The following CA9 variants were observed in gnomAD, a reference collection of about 807,000 sequenced individuals.
CA9 encodes CA-IX.
CA9 carries 43 observed loss-of-function variants against 51.8 expected under a neutral mutation model. That is an observed-to-expected ratio of 0.83 (90% CI 0.65 to 1.07). The LOEUF is 1.07. Among genes scored for constraint, CA9 ranks in the 50% least tolerant of loss-of-function variants. The pLI, the probability that CA9 is intolerant of heterozygous loss-of-function variation, is 0.00. For synonymous variants in CA9, 253 were observed against 244.2 expected, an observed-to-expected ratio of 1.04 and a Z score of -0.34; for missense variants, 574 against 581.4, an observed-to-expected ratio of 0.99 and a Z score of 0.13.
chr9:35,675,873 C>A lies in CA9; in HGVS notation c.546C>A (p.Leu182=). ...GCCCGGCCCTGCGCCCCCTGGAACT[C>A]CTGGGCTTCCAGCTCCCGCCGCTCC... ...AFCPALRPLE[L]LGFQLPPLPE... The change falls in exon 3 of 11, where the codon CTC becomes CTA. Residue 182 remains leucine (L), a synonymous_variant. Coordinates refer to ENST00000378357, the MANE Select transcript of CA9 (RefSeq NM_001216.3). 2.5e-6 allele frequency: 4 copies of A among 1,606,766 alleles called. No individual in the cohort carries two copies.
Position 35,676,539 on chromosome 9 carries a change from C to A in CA9, c.840+150C>A, listed in dbSNP as rs570797000. 63 of 654,064 alleles carry A rather than the reference C, an allele frequency of 9.6e-5. 1 individual carries two copies. The Admixed American group carries it at 1.8e-3, about 18-fold the overall frequency. 40.5% of individuals were successfully genotyped at this position (654,064 alleles called of 1,614,324 possible). A position where few individuals can be genotyped will look rare whatever the true frequency, so the allele number is the denominator to read the frequency against. ...ACGCACTGTTTGTTCATTTAACACC[C>A]ACTGTGAACCAGGCACCAGCCCCCA... On this transcript the variant is annotated intron_variant, in intron 5 of 10. Coordinates refer to ENST00000378357, the MANE Select transcript of CA9 (RefSeq NM_001216.3).
intron 7 of CA9, 99 bp from the exon 8 acceptor site, chr9:35,679,755 T>G: frequency 8.8e-7 from 1 of 1,141,924 alleles, no homozygotes; most frequent in Non-Finnish European, 1.2e-6. Flanking sequence ...ATACAGGAGC[T>G]GGAGGGTGGA....
chr9:35,677,700 A>C, intron 5 of CA9, 90 bp from the exon 6 acceptor site: 1 of 934,994 alleles, frequency 1.1e-6, no homozygotes, highest in Admixed American at 1.7e-5. Flanking sequence ...GAGGAATGGG[A>C]GAGGTCTATG....
At chr9:35,679,086 A>T (rs943436287) in intron 6 of CA9, 99 bp from the exon 7 acceptor site, 1 of 1,305,434 alleles carries the variant, frequency 7.7e-7, no homozygotes, top group Non-Finnish European at 1.1e-6. Context: ...CTCAGAGTTG[A>T]GTTACCTTGG....
At chr9:35,679,469 G>T in intron 7 of CA9, 127 bp downstream of exon 7, 1 of 1,195,508 alleles carries the variant, frequency 8.4e-7, no homozygotes, top group East Asian at 2.5e-5. Context: ...CCACCACGTT[G>T]GGAGGCTGAG....
chr9:35,679,351 G>T lies in CA9; in HGVS notation c.1065+9G>T. 6.2e-7 allele frequency: 1 copy of T among 1,610,206 alleles called. No homozygotes were observed. The highest frequency in any genetic ancestry group is 1.3e-5 in the African/African-American group (1 of 74,872). On this transcript the variant is annotated intron_variant, in intron 7 of 10. Coordinates refer to ENST00000378357, the MANE Select transcript of CA9 (RefSeq NM_001216.3). The stretch of plus-strand genomic sequence containing the variant: ...TGCTGAGTGCTAAGCAGGTGGGCCT[G>T]GGGTGTGTGTGGACACAGTGGGTGC...
intron 1 of CA9, 103 bp from the exon 2 acceptor site, chr9:35,675,435 C>A: frequency 2.3e-6 from 3 of 1,317,988 alleles, no homozygotes; most frequent in Middle Eastern, 1.8e-4. Flanking sequence ...CATTTGTTAC[C>A]CGTAATGCTC....
intron 9 of CA9, 76 bp downstream of exon 9, chr9:35,680,215 C>A: frequency 1.3e-6 from 2 of 1,537,996 alleles, no homozygotes; most frequent in Non-Finnish European, 1.8e-6. Flanking sequence ...TGCTCAGGAC[C>A]GCCTCTGCTC....
At chr9:35,675,964 G>A (rs2301371) in intron 3 of CA9, 33 bp downstream of exon 3, 52,315 of 1,599,698 alleles carry the variant, frequency 0.033, 1,246 homozygotes, top group East Asian at 0.13. Context: ...ACTTGGGGAT[G>A]GGGCGGGGCG....
At chr9:35,674,760 A>C in intron 1 of CA9, 1 of 174,272 alleles carries the variant, frequency 5.7e-6, no homozygotes, top group Non-Finnish European at 1.2e-5. Flanking sequence ...ACAAGCAAGA[A>C]GAGCTGGTAG....
intron 7 of CA9, 129 bp downstream of exon 7, chr9:35,679,471 G>C (rs1037993346): frequency 1.7e-6 from 2 of 1,197,520 alleles, no homozygotes; most frequent in African/African-American, 3.1e-5. Flanking sequence ...ACCACGTTGG[G>C]AGGCTGAGGT....
rs536591247 is a variant in CA9, at chr9:35,674,117, C to T, written c.158C>T (p.Ser53Phe). 6.8e-6 allele frequency: 11 copies of T among 1,614,158 alleles called. No homozygotes were observed. The highest frequency in any genetic ancestry group is 4.0e-5 in the African/African-American group (3 of 75,048). ...GAGGATTCCCCCTTGGGAGGAGGCTCTTCTGGGGAAGATGACCCACTGGGC... is the reference window on the plus strand; with the variant it reads ...GAGGATTCCCCCTTGGGAGGAGGCTTTTCTGGGGAAGATGACCCACTGGGC... ...MQEDSPLGGG[S>F]SGEDDPLGEE... The change falls in exon 1 of 11, where the codon TCT becomes TTT. Residue 53 changes from serine (S) to phenylalanine (F), a missense_variant. By Grantham distance (155) the Ser-to-Phe change is radical. Coordinates refer to ENST00000378357, the MANE Select transcript of CA9 (RefSeq NM_001216.3).
At position 35,680,761 on chromosome 9, in the gene CA9, C is replaced by G; in HGVS notation, c.1246C>G (p.Leu416Val). The change falls in exon 10 of 11, where the codon CTA becomes GTA. Residue 416 changes from leucine to valine, a missense_variant. Coordinates refer to ENST00000378357, the MANE Select transcript of CA9 (RefSeq NM_001216.3). ...LNSCLAAGDILALVFGLLFAV... is the reference protein window; with the variant it reads ...LNSCLAAGDIVALVFGLLFAV... ...TCTGCTCTCCATCGCAGGTGACATC[C>G]TAGCCCTGGTTTTTGGCCTCCTTTT... is the stretch of plus-strand genomic sequence containing the variant. 6.2e-7 allele frequency: 1 copy of G among 1,614,124 alleles called. No individual in the cohort carries two copies. Among genetic ancestry groups the G allele is most frequent in the Non-Finnish European group, 8.5e-7 (1 of 1,179,968 alleles).
chr9:35,679,271 A>T lies in CA9; in HGVS notation c.994A>T (p.Thr332Ser). The T allele has an allele frequency of 6.2e-7, 1 of 1,614,180 alleles. No individual in the cohort carries two copies. The highest frequency in any genetic ancestry group is 8.5e-7 in the Non-Finnish European group (1 of 1,180,026). Residue 332 changes from threonine to serine, a missense_variant, in exon 7 of 11, where the codon ACT becomes TCT. Transcript: ENST00000378357. ...SRYFQYEGSL[T>S]TPPCAQGVIW... ...CTACTTCCAATATGAGGGGTCTCTG[A>T]CTACACCGCCCTGTGCCCAGGGTGT...
At chr9:35,679,095 G>A in intron 6 of CA9, 90 bp from the exon 7 acceptor site, 1 of 1,400,612 alleles carries the variant, frequency 7.1e-7, no homozygotes, top group Non-Finnish European at 1.0e-6. Context: ...GAGTTACCTT[G>A]GCTTCTGGGA....
chr9:35,675,931 G>T lies in CA9; in HGVS notation c.604G>T (p.Val202Leu). 6.2e-7 allele frequency: 1 copy of T among 1,601,392 alleles called. No individual in the cohort carries two copies. Among genetic ancestry groups the T allele is most frequent in the Non-Finnish European group, 8.5e-7 (1 of 1,173,772 alleles). Residue 202 changes from valine (V) to leucine (L), a missense_variant and splice_region_variant, in exon 3 of 11, where the codon GTG (valine) becomes TTG (leucine). Transcript: ENST00000378357. ...ELRLRNNGHS[V>L]QLTLPPGLEM... Reference sequence around the variant, plus strand: ...GCGCCTGCGCAACAATGGCCACAGTGGTGAGGGGGTCTCCCCGCCGAGACT... The same window carrying T: ...GCGCCTGCGCAACAATGGCCACAGTTGTGAGGGGGTCTCCCCGCCGAGACT...
At chr9:35,674,596 G>A (rs1486435312) in intron 1 of CA9, 9 of 464,388 alleles carry the variant, frequency 1.9e-5, no homozygotes, top group Non-Finnish European at 3.0e-5. Flanking sequence ...GATGAGATGG[G>A]AGAGAAGGGG....
chr9:35,675,869 A>T lies in CA9; in HGVS notation c.542A>T (p.Glu181Val). The change falls in exon 3 of 11, where the codon GAA (glutamate) becomes GTA (valine). Residue 181 changes from glutamate (E) to valine (V), a missense_variant. By Grantham distance (121) the Glu-to-Val change is moderately radical. Coordinates refer to ENST00000378357, the MANE Select transcript of CA9 (RefSeq NM_001216.3). ...AAFCPALRPLELLGFQLPPLP... is the reference protein window; with the variant it reads ...AAFCPALRPLVLLGFQLPPLP... ...TTCTGCCCGGCCCTGCGCCCCCTGG[A>T]ACTCCTGGGCTTCCAGCTCCCGCCG... 6.2e-7 allele frequency: 1 copy of T among 1,606,442 alleles called. No homozygotes were observed. Among genetic ancestry groups the T allele is most frequent in the Non-Finnish European group, 8.5e-7 (1 of 1,179,366 alleles).
chr9:35,679,143 G>T (rs1214469227), intron 6 of CA9, 42 bp from the exon 7 acceptor site: 2 of 1,609,892 alleles, frequency 1.2e-6, no homozygotes, highest in African/African-American at 2.7e-5. Flanking sequence ...GCTTTAAGGG[G>T]GTGCAATGTA....
Sources: gnomAD v4.1 joint callset for allele counts on GRCh38, gnomAD v4.1.1 for gene constraint, MANE v1.5 for transcripts, NCBI Gene and HGNC (gene_info 2026-07-23, HGNC 2026-07-21) for gene names.